The following NHS variants were observed in gnomAD, a reference collection of about 807,000 sequenced individuals.
NHS encodes NHS actin remodeling regulator.
NHS carries 5 observed loss-of-function variants against 72.5 expected under a neutral mutation model. The observed-to-expected ratio is 0.07, with a 90% CI of 0.04 to 0.14. NHS has a LOEUF of 0.14. Ranked by LOEUF, NHS falls within the 10% of genes least tolerant of loss-of-function variation. The pLI is 1.00. For synonymous variants in NHS, 464 were observed against 547.7 expected (o/e 0.85, Z 2.13); for missense variants, 1,072 against 1,355.7 (o/e 0.79, Z 3.29).
chrX:17,469,171 C>T (rs1274979857), intron 1 of NHS, among the ~76,000 whole-genome samples: 2 of 112,104 alleles, frequency 1.8e-5, no homozygotes, highest in Non-Finnish European at 3.8e-5. Context: ...ATCCATATTC[C>T]ATTCCATGGT....
In NHS at chrX:17,721,471, G is replaced by A. The variant is rs1256421611; in HGVS notation, c.946G>A (p.Val316Ile). ...SHPPEDEDTD[V>I]MLGQRPKNPI... ...TCCCCCAGAGGATGAAGATACAGAT[G>A]TCATGTTAGGGCAGAGGCCGAAAAA... The change falls in exon 5 of 9, where the codon GTC (valine) becomes ATC (isoleucine). Residue 316 changes from valine (V) to isoleucine (I), a missense_variant. By Grantham distance (29) the Val-to-Ile change is conservative. Transcript: ENST00000676302. 1.7e-6 allele frequency: 2 copies of A among 1,211,418 alleles called. No homozygotes were observed. The highest frequency in any genetic ancestry group is 2.2e-5 in the Admixed American group (1 of 45,962).
At chrX:17,632,976 G>T (rs941955109) in intron 1 of NHS, among the ~76,000 whole-genome samples, 3 of 112,051 alleles carry the variant, frequency 2.7e-5, no homozygotes, top group African/African-American at 9.7e-5. Context: ...AATGTTTGTT[G>T]AGTGGATAAA....
chrX:17,727,492 C>T lies in NHS; in HGVS notation c.3386C>T (p.Pro1129Leu), dbSNP rs779002657. The T allele has an allele frequency of 3.3e-6, 4 of 1,209,248 alleles. No individual in the cohort carries two copies. Among genetic ancestry groups the T allele is most frequent in the East Asian group, 5.9e-5 (2 of 33,748 alleles). ...GAAACACTGAGGTCGAATCCTCCAC[C>T]GTCCCTTGCAATTACACCAACGATC... Reference protein sequence around the residue: ...VGETLRSNPPPSLAITPTILK... With the variant: ...VGETLRSNPPLSLAITPTILK... Residue 1129 changes from proline to leucine, a missense_variant, in exon 7 of 9, where the codon CCG becomes CTG. Physicochemically the swap from Pro to Leu is moderately conservative, Grantham distance 98. Coordinates refer to ENST00000676302, the MANE Select transcript of NHS (RefSeq NM_001291867.2).
chrX:17,392,139 C>T (rs1353406443), intron 1 of NHS, among the ~76,000 whole-genome samples: 1 of 111,724 alleles, frequency 9.0e-6, no homozygotes, highest in Non-Finnish European at 1.9e-5. Flanking sequence ...AGCTCCTAAG[C>T]AACCCTCTGT....
At chrX:17,563,145 G>T (rs111436383) in intron 1 of NHS, among the ~76,000 whole-genome samples, 1 of 112,560 alleles carries the variant, frequency 8.9e-6, no homozygotes, top group Admixed American at 9.4e-5. Flanking sequence ...ACAAACATCT[G>T]CAATGCAGAA....
intron 1 of NHS, among the ~76,000 whole-genome samples, chrX:17,497,746 C>T (rs1232302642): frequency 8.9e-6 from 1 of 112,202 alleles, no homozygotes; most frequent in Non-Finnish European, 1.9e-5. Flanking sequence ...ATGATTTAAA[C>T]ATATCGATAC....
intron 1 of NHS, among the ~76,000 whole-genome samples, chrX:17,458,647 C>G (rs1471537838): frequency 9.0e-6 from 1 of 110,899 alleles, no homozygotes; most frequent in East Asian, 2.8e-4. Context: ...TGCCTGCCAC[C>G]ATGCCCAGCT....
At chrX:17,506,117 A>T (rs1027060538) in intron 1 of NHS, among the ~76,000 whole-genome samples, 10 of 111,976 alleles carry the variant, frequency 8.9e-5, no homozygotes, top group African/African-American at 2.6e-4. Context: ...CATGTGTGAA[A>T]TTTAAGTTAG....
At chrX:17,430,005 C>T (rs60309610) in intron 1 of NHS, among the ~76,000 whole-genome samples, 1 of 110,073 alleles carries the variant, frequency 9.1e-6, no homozygotes, top group African/African-American at 3.3e-5. Context: ...CTGAAGGCTG[C>T]AAGCCTCATG....
At chrX:17,418,093 T>C (rs1298264987) in intron 1 of NHS, among the ~76,000 whole-genome samples, 1 of 111,811 alleles carries the variant, frequency 8.9e-6, no homozygotes, top group Non-Finnish European at 1.9e-5. Context: ...TCAAATCTCC[T>C]CTTAAGCATG....
intron 1 of NHS, among the ~76,000 whole-genome samples, chrX:17,665,617 A>G (rs1173757494): frequency 1.8e-5 from 2 of 111,468 alleles, no homozygotes; most frequent in South Asian, 3.8e-4. Context: ...GTGAGTACCT[A>G]TAGATTTTTC....
chrX:17,698,066 G>C (rs2066241953), intron 3 of NHS, among the ~76,000 whole-genome samples: 1 of 111,194 alleles, frequency 9.0e-6, no homozygotes, highest in African/African-American at 3.3e-5. Flanking sequence ...TCAGAGTTTA[G>C]TCATATCAAT....
intron 1 of NHS, among the ~76,000 whole-genome samples, chrX:17,508,877 C>G (rs1014493435): frequency 8.9e-6 from 1 of 112,032 alleles, no homozygotes; most frequent in African/African-American, 3.3e-5. Flanking sequence ...TGCTTGAGTA[C>G]TAGTTTTCAT....
chrX:17,445,745 A>T (rs1016520556), intron 1 of NHS, among the ~76,000 whole-genome samples: 2 of 93,987 alleles, frequency 2.1e-5, no homozygotes, highest in African/African-American at 7.7e-5. Context: ...ACTCACTGCT[A>T]AAAAAAAAAA....
At chrX:17,684,394 G>T (rs2066148547) in intron 1 of NHS, among the ~76,000 whole-genome samples, 1 of 111,549 alleles carries the variant, frequency 9.0e-6, no homozygotes, top group African/African-American at 3.3e-5. Flanking sequence ...TGGGTCCTCT[G>T]CTCAGGGTTA....
At chrX:17,585,237 C>A (rs2065568699) in intron 1 of NHS, among the ~76,000 whole-genome samples, 1 of 112,231 alleles carries the variant, frequency 8.9e-6, no homozygotes, top group Non-Finnish European at 1.9e-5. Flanking sequence ...CTTCTCTGTG[C>A]CTGTTTCCTC....
intron 1 of NHS, among the ~76,000 whole-genome samples, chrX:17,621,927 T>G (rs2065775948): frequency 8.9e-6 from 1 of 111,981 alleles, no homozygotes; most frequent in African/African-American, 3.3e-5. Flanking sequence ...TTTCTAATTC[T>G]AAGTTGTCCC....
intron 1 of NHS, among the ~76,000 whole-genome samples, chrX:17,404,832 C>T (rs904001210): frequency 9.5e-6 from 1 of 105,413 alleles, no homozygotes; most frequent in East Asian, 3.0e-4. Context: ...TCTCTCTCTC[C>T]GTGGCAATTA....
intron 1 of NHS, among the ~76,000 whole-genome samples, chrX:17,438,765 G>A (rs1485593959): frequency 9.0e-6 from 1 of 111,561 alleles, no homozygotes; most frequent in Non-Finnish European, 1.9e-5. Flanking sequence ...CACTCTCCTT[G>A]GTGATATACA....
Sources: allele counts gnomAD v4.1 joint callset (sites outside exome capture counted in the v4.1 genomes callset), GRCh38; gene constraint gnomAD v4.1.1; transcripts MANE v1.5; gene names NCBI Gene and HGNC (gene_info 2026-07-23, HGNC 2026-07-21).